The following AP1G1 variants were observed in gnomAD, a reference collection of about 807,000 sequenced individuals.
The protein encoded by AP1G1 is AP-1 complex subunit gamma-1.
Under a neutral mutation model 108.3 loss-of-function variants are expected in AP1G1, and 7 were observed. The ratio of observed to expected loss-of-function variants is 0.06; its 90% CI spans 0.04 to 0.12. AP1G1 has a LOEUF of 0.12. Among genes scored for constraint, AP1G1 ranks in the 10% least tolerant of loss-of-function variants. The pLI, the probability that AP1G1 is intolerant of heterozygous loss-of-function variation, is 1.00. For synonymous variants in AP1G1, 379 were observed against 353.5 expected, an observed-to-expected ratio of 1.07 and a Z score of -0.81; for missense variants, 756 against 1,010.7, an observed-to-expected ratio of 0.75 and a Z score of 3.42.
intron 1 of AP1G1, among the ~76,000 whole-genome samples, chr16:71,800,758 G>A (rs78512765): frequency 1.3e-5 from 2 of 151,482 alleles, no homozygotes; most frequent in South Asian, 2.1e-4. Flanking sequence ...CTGGGATCGC[G>A]CCACTGCACT....
rs768425440 is a variant in AP1G1 at position 71,808,801 on chromosome 16, C to T, written c.-42G>A. 4.7e-6 allele frequency: 6 copies of T among 1,289,728 alleles called. No individual in the cohort carries two copies. In the South Asian group the frequency reaches 7.4e-5, roughly 16 times the overall value. 79.9% of individuals were successfully genotyped at this position (1,289,728 alleles called of 1,614,324 possible). A position where few individuals can be genotyped will look rare whatever the true frequency, so the allele number is the denominator to read the frequency against. On this transcript the variant is annotated 5_prime_UTR_variant, in exon 1 of 23. Transcript: ENST00000299980. Reference sequence around the variant, plus strand: ...CGAATGAAACCAGCAGCTCCGGGGGCGGCGGCAGCAGTGGCAGCAGGAACC... The same window carrying T: ...CGAATGAAACCAGCAGCTCCGGGGGTGGCGGCAGCAGTGGCAGCAGGAACC...
intron 4 of AP1G1, among the ~76,000 whole-genome samples, chr16:71,772,036 G>C (rs147557844): frequency 0.02 from 3,095 of 152,130 alleles, 39 homozygotes; most frequent in Middle Eastern, 0.071. Flanking sequence ...ATATGTTTGA[G>C]TCAAATACCA....
At chr16:71,761,188 T>C (rs1450457564) in intron 10 of AP1G1, among the ~76,000 whole-genome samples, 1 of 152,212 alleles carries the variant, frequency 6.6e-6, no homozygotes, top group East Asian at 1.9e-4. Flanking sequence ...ATTTACATAT[T>C]ATCTATGGCT....
intron 1 of AP1G1, among the ~76,000 whole-genome samples, chr16:71,789,907 A>C (rs1365151269): frequency 6.6e-6 from 1 of 152,208 alleles, no homozygotes; most frequent in Non-Finnish European, 1.5e-5. Flanking sequence ...ACAAAAATAA[A>C]TATGGTCACA....
intron 12 of AP1G1, among the ~76,000 whole-genome samples, chr16:71,754,350 A>G (rs1236398011): frequency 2.6e-5 from 4 of 152,056 alleles, no homozygotes; most frequent in Non-Finnish European, 5.9e-5. Flanking sequence ...AAAAGAAAGA[A>G]AGAAAGAAAG....
At chr16:71,750,170 G>T in intron 14 of AP1G1, 40 bp downstream of exon 14, 1 of 1,602,644 alleles carries the variant, frequency 6.2e-7, no homozygotes. Context: ...AAAAATTGAG[G>T]GTAAAATTAC....
chr16:71,735,718 T>C (rs2045526855), intron 21 of AP1G1, among the ~76,000 whole-genome samples: 1 of 152,016 alleles, frequency 6.6e-6, no homozygotes. Context: ...TACGTAGCTA[T>C]TGTATGAACT....
At chr16:71,782,492 T>G (rs1052086425) in intron 2 of AP1G1, among the ~76,000 whole-genome samples, 8 of 150,390 alleles carry the variant, frequency 5.3e-5, no homozygotes, top group South Asian at 2.1e-4. Flanking sequence ...ATTATTATTT[T>G]TATTATTATT....
At chr16:71,735,371 T>C (rs1164265919) in intron 21 of AP1G1, among the ~76,000 whole-genome samples, 3 of 152,158 alleles carry the variant, frequency 2.0e-5, no homozygotes, top group Non-Finnish European at 2.9e-5. Flanking sequence ...GAAATAAGAG[T>C]TGAAAGTGCT....
chr16:71,804,447 C>CA (rs899509119), intron 1 of AP1G1, among the ~76,000 whole-genome samples: 11 of 131,116 alleles, frequency 8.4e-5, no homozygotes, highest in African/African-American at 3.1e-4. Flanking sequence ...CTCCATCTGT[C>CA]ACCCAGGCTG....
intron 1 of AP1G1, chr16:71,806,584 C>A (rs1423501156): frequency 7.3e-6 from 5 of 682,718 alleles, no homozygotes; most frequent in Non-Finnish European, 1.1e-5. Flanking sequence ...ATGAAAAACA[C>A]TGAGTTAACT....
At chr16:71,806,705 T>C in intron 1 of AP1G1, 1 of 1,288,910 alleles carries the variant, frequency 7.8e-7, no homozygotes, top group Non-Finnish European at 1.0e-6. Flanking sequence ...GAGCATTACA[T>C]AGGTGTTCAG....
chr16:71,799,799 TG>T (rs2032718989), intron 1 of AP1G1, among the ~76,000 whole-genome samples: 1 of 151,830 alleles, frequency 6.6e-6, no homozygotes, highest in Admixed American at 6.6e-5. Context: ...CTCGGGAGGC[TG>T]ATGCAGGAGA....
At chr16:71,765,713 T>A (rs1444590504) in intron 6 of AP1G1, 129 bp from the exon 7 acceptor site, 1 of 668,672 alleles carries the variant, frequency 1.5e-6, no homozygotes, top group East Asian at 2.9e-5. Context: ...TTTAATATAC[T>A]AGTGTATTGT....
chr16:71,787,483 T>C (rs960115674), intron 2 of AP1G1, among the ~76,000 whole-genome samples: 3 of 152,106 alleles, frequency 2.0e-5, no homozygotes, highest in African/African-American at 4.8e-5. Flanking sequence ...ACCCTGCCTC[T>C]AAAAACAACA....
At chr16:71,757,309 G>GGTGT (rs1034199768) in intron 11 of AP1G1, among the ~76,000 whole-genome samples, 1 of 151,986 alleles carries the variant, frequency 6.6e-6, no homozygotes, top group African/African-American at 2.4e-5. Context: ...AAATTAGCCG[G>GGTGT]GTGTGGTGGC....
At chr16:71,773,151 T>G in intron 4 of AP1G1, 70 bp downstream of exon 4, 2 of 1,539,864 alleles carry the variant, frequency 1.3e-6, no homozygotes, top group South Asian at 2.3e-5. Context: ...CTTTCAAAAA[T>G]GAGTAATCTG....
intron 1 of AP1G1, among the ~76,000 whole-genome samples, chr16:71,798,281 C>T (rs567050796): frequency 6.6e-6 from 1 of 151,976 alleles, no homozygotes; most frequent in Non-Finnish European, 1.5e-5. Flanking sequence ...TGTGTCTCTA[C>T]ACTGCCTCCC....
At chr16:71,757,406 G>A (rs1419316159) in intron 11 of AP1G1, among the ~76,000 whole-genome samples, 3 of 146,782 alleles carry the variant, frequency 2.0e-5, no homozygotes, top group Non-Finnish European at 3.0e-5. Context: ...AGCCGAGGTC[G>A]CACCACCACA....
Sources: gnomAD v4.1 joint callset for allele counts (sites outside exome capture counted in the v4.1 genomes callset) on GRCh38, gnomAD v4.1.1 for gene constraint, MANE v1.5 for transcripts, NCBI Gene and HGNC (gene_info 2026-07-23, HGNC 2026-07-21) for gene names.